SH3BGRL2: variants seen among roughly 807,000 people sequenced by gnomAD.
The protein encoded by SH3BGRL2 is SH3 domain binding glutamate rich protein like 2.
Under a neutral mutation model 14.8 loss-of-function variants are expected in SH3BGRL2, and 21 were observed. The observed-to-expected ratio is 1.42, with a 90% CI of 1.01 to 2.05. The LOEUF is 2.05. SH3BGRL2 is among the 30% of genes most tolerant of loss of function. The pLI is 0.00. For missense variants in SH3BGRL2, 147 were observed against 130.8 expected, an observed-to-expected ratio of 1.12 and a Z score of -0.61; for synonymous variants, 50 against 47.8, an observed-to-expected ratio of 1.05 and a Z score of -0.19.
At chr6:79,606,211 T>C in the SH3BGRL2 span, among the ~76,000 whole-genome samples, 1 of 152,118 alleles carries the variant, frequency 6.6e-6, no homozygotes, top group South Asian at 2.1e-4. Flanking sequence ...AAGAAAGGAC[T>C]AGTTGGCCCT....
chr6:79,542,284 C>T, the SH3BGRL2 span, among the ~76,000 whole-genome samples: 2 of 148,294 alleles, frequency 1.3e-5, no homozygotes, highest in Non-Finnish European at 3.0e-5. Flanking sequence ...TTTTTTTTTC[C>T]GAGACAGGGT....
At chr6:79,640,153 G>A (rs950883976) in intron 1 of SH3BGRL2, among the ~76,000 whole-genome samples, 4 of 152,110 alleles carry the variant, frequency 2.6e-5, no homozygotes, top group African/African-American at 9.7e-5. Context: ...CAGGAGGGGA[G>A]GAGCTGGAGG....
At chr6:79,581,389 A>G in the SH3BGRL2 span, among the ~76,000 whole-genome samples, 2 of 152,254 alleles carry the variant, frequency 1.3e-5, no homozygotes, top group Non-Finnish European at 2.9e-5. Context: ...AAAAATCCTC[A>G]ATAAAATACT....
the SH3BGRL2 span, among the ~76,000 whole-genome samples, chr6:79,586,566 A>T: frequency 1.1e-4 from 17 of 152,346 alleles, no homozygotes; most frequent in African/African-American, 3.6e-4. Context: ...ATTTAAGGCA[A>T]CATAAATTTG....
intron 2 of SH3BGRL2, among the ~76,000 whole-genome samples, chr6:79,682,270 G>T (rs1411490241): frequency 6.6e-6 from 1 of 152,054 alleles, no homozygotes; most frequent in Non-Finnish European, 1.5e-5. Flanking sequence ...GCAAACATTT[G>T]CTTTATATAT....
intron 2 of SH3BGRL2, among the ~76,000 whole-genome samples, chr6:79,695,113 G>T (rs567922762): frequency 1.8e-4 from 28 of 152,268 alleles, no homozygotes; most frequent in African/African-American, 6.0e-4. Context: ...CCCTGCCCAA[G>T]AATGCTCCCA....
chr6:79,620,165 C>A, the SH3BGRL2 span, among the ~76,000 whole-genome samples: 1 of 151,334 alleles, frequency 6.6e-6, no homozygotes, highest in Non-Finnish European at 1.5e-5. Flanking sequence ...CCTTTTTTTT[C>A]CCCTGGAATA....
chr6:79,611,904 A>G, the SH3BGRL2 span, among the ~76,000 whole-genome samples: 3 of 152,070 alleles, frequency 2.0e-5, no homozygotes, highest in Non-Finnish European at 4.4e-5. Flanking sequence ...CTGGTTTTCT[A>G]TGAGGATTAA....
At chr6:79,656,555 G>T (rs1472279228) in intron 1 of SH3BGRL2, among the ~76,000 whole-genome samples, 1 of 152,082 alleles carries the variant, frequency 6.6e-6, no homozygotes, top group African/African-American at 2.4e-5. Flanking sequence ...CGTATTTGCA[G>T]GTTCCACATC....
Position 79,702,604 on chromosome 6 carries a change from G to C in SH3BGRL2, c.*3095G>C, listed in dbSNP as rs1582745832. 1 of 152,296 alleles carries C rather than the reference G, an allele frequency of 6.6e-6. No individual in the cohort carries two copies. Among genetic ancestry groups the C allele is most frequent in the East Asian group, 1.9e-4 (1 of 5,186 alleles). 9.4% of individuals were successfully genotyped at this position (152,296 alleles called of 1,614,324 possible). A position where few individuals can be genotyped will look rare whatever the true frequency, so the allele number is the denominator to read the frequency against. On this transcript the variant is annotated 3_prime_UTR_variant, in exon 4 of 4. Transcript: ENST00000369838. ...AGAGGCTGTGATTTTACTCTTGCCTGTGAACCTCATGCATGAAAGCAGCAC... is the reference window on the plus strand; with the variant it reads ...AGAGGCTGTGATTTTACTCTTGCCTCTGAACCTCATGCATGAAAGCAGCAC...
the SH3BGRL2 span, among the ~76,000 whole-genome samples, chr6:79,565,291 T>A: frequency 1.3e-5 from 2 of 152,196 alleles, no homozygotes; most frequent in African/African-American, 4.8e-5. Context: ...CTCAATGACC[T>A]TTATTCCTGG....
chr6:79,694,117 A>G (rs540705485), intron 2 of SH3BGRL2, among the ~76,000 whole-genome samples: 32 of 152,332 alleles, frequency 2.1e-4, no homozygotes, highest in Middle Eastern at 3.4e-3. Context: ...AGAGCTCAGA[A>G]GAGAGGTCAG....
intron 1 of SH3BGRL2, among the ~76,000 whole-genome samples, chr6:79,667,631 G>C (rs1562152493): frequency 6.6e-6 from 1 of 152,074 alleles, no homozygotes; most frequent in Non-Finnish European, 1.5e-5. Flanking sequence ...ATTTTTAGTA[G>C]AGATGAGGTT....
At chr6:79,658,294 G>C (rs188827577) in intron 1 of SH3BGRL2, among the ~76,000 whole-genome samples, 1 of 152,032 alleles carries the variant, frequency 6.6e-6, no homozygotes, top group Non-Finnish European at 1.5e-5. Flanking sequence ...CCTCACCCAG[G>C]CCCCCACCAC....
At chr6:79,538,018 GTTTTTTTTTTTTTTT>G in the SH3BGRL2 span, among the ~76,000 whole-genome samples, 47 of 44,164 alleles carry the variant, frequency 1.1e-3, 1 homozygote, top group Admixed American at 3.8e-3. Context: ...TTGCACACAA[GTTTTTTTTTTTTTTT>G]TTTTTTTTTT....
At chr6:79,632,422 T>C (rs1768842750) in intron 1 of SH3BGRL2, among the ~76,000 whole-genome samples, 1 of 152,184 alleles carries the variant, frequency 6.6e-6, no homozygotes, top group South Asian at 2.1e-4. Context: ...CAGCTATAGA[T>C]TTAAGAGCCT....
At chr6:79,571,377 C>T in the SH3BGRL2 span, among the ~76,000 whole-genome samples, 2 of 152,298 alleles carry the variant, frequency 1.3e-5, no homozygotes, top group South Asian at 2.1e-4. Flanking sequence ...ATTATAAACA[C>T]AGAACCTGTA....
the SH3BGRL2 span, among the ~76,000 whole-genome samples, chr6:79,603,804 C>CT: frequency 6.6e-6 from 1 of 152,056 alleles, no homozygotes; most frequent in Admixed American, 6.6e-5. Flanking sequence ...GACCACTTTT[C>CT]TTTTTTCTTT....
intron 1 of SH3BGRL2, among the ~76,000 whole-genome samples, chr6:79,664,418 C>A (rs1469022373): frequency 1.3e-5 from 2 of 152,212 alleles, no homozygotes; most frequent in Non-Finnish European, 2.9e-5. Context: ...GAATTATTAT[C>A]TGTGTTTTAC....
Sources: allele counts gnomAD v4.1 joint callset (sites outside exome capture counted in the v4.1 genomes callset), GRCh38; gene constraint gnomAD v4.1.1; transcripts MANE v1.5; gene names NCBI Gene and HGNC (gene_info 2026-07-23, HGNC 2026-07-21).